SCAPER: variants seen among roughly 807,000 people sequenced by gnomAD.
SCAPER encodes the protein S-phase cyclin A associated protein in the ER, also known as S phase cyclin A-associated protein in the endoplasmic reticulum.
Under a neutral mutation model 182.2 loss-of-function variants are expected in SCAPER, and 98 were observed. The observed-to-expected ratio is 0.54, with a 90% CI of 0.46 to 0.64. The LOEUF (loss-of-function observed/expected upper bound fraction) is 0.64, where lower values mean the gene tolerates loss of function less well. SCAPER is among the 30% of genes least tolerant of loss of function. The pLI is 0.00. For synonymous variants in SCAPER, 605 were observed against 564.6 expected, an observed-to-expected ratio of 1.07 and a Z score of -1.01; for missense variants, 1,432 against 1,690.0, an observed-to-expected ratio of 0.85 and a Z score of 2.68.
intron 23 of SCAPER, among the ~76,000 whole-genome samples, chr15:76,522,501 C>A (rs968289760): frequency 6.6e-6 from 1 of 152,042 alleles, no homozygotes; most frequent in African/African-American, 2.4e-5. Flanking sequence ...GTCATTTGCA[C>A]CTACAGCTTG....
Position 76,379,874 on chromosome 15 carries a change from C to CTAGG in SCAPER, c.3705+1500_3705+1503dup, listed in dbSNP as rs564949131. The stretch of plus-strand genomic sequence containing the variant: ...GAGGAGAGGGGCAGGGAGCAGGGAC[C>CTAGG]TAGGGCTCCCTGATGGAGTGACTGA... On this transcript the variant is annotated intron_variant, in intron 28 of 31. Coordinates refer to ENST00000563290, the MANE Select transcript of SCAPER (RefSeq NM_020843.4). The CTAGG allele has an allele frequency of 3.2e-3, 481 of 152,230 alleles. 5 individuals carry two copies. Among genetic ancestry groups the CTAGG allele is most frequent in the African/African-American group, 0.011 (459 of 41,508 alleles). The allele number at this position is 152,230 out of a possible 1,614,324, so 9.4% of individuals were successfully genotyped here.
intron 27 of SCAPER, among the ~76,000 whole-genome samples, chr15:76,401,777 G>A (rs774949138): frequency 6.6e-6 from 1 of 152,130 alleles, no homozygotes; most frequent in South Asian, 2.1e-4. Context: ...TAATATGGGT[G>A]CAAATAGATT....
chr15:76,871,139 G>A (rs114545646), intron 2 of SCAPER, among the ~76,000 whole-genome samples: 75 of 152,258 alleles, frequency 4.9e-4, no homozygotes, highest in African/African-American at 1.6e-3. Flanking sequence ...GACAGGCGCC[G>A]TGCCTCATGC....
chr15:76,429,958 AG>A (rs1314425987), intron 26 of SCAPER, among the ~76,000 whole-genome samples: 2 of 152,148 alleles, frequency 1.3e-5, no homozygotes, highest in Non-Finnish European at 2.9e-5. Flanking sequence ...GGGCAGGCTC[AG>A]GGCTCCCCTG....
chr15:76,728,115 T>A (rs1340734986), intron 17 of SCAPER, among the ~76,000 whole-genome samples: 1 of 152,018 alleles, frequency 6.6e-6, no homozygotes, highest in East Asian at 1.9e-4. Context: ...ATATGTTTTT[T>A]CCTGTGTCTT....
chr15:76,791,955 A>G lies in SCAPER; in HGVS notation c.772+3325T>C, dbSNP rs115975683. ...GATTGGTTTTTTTTTGTCTTGCAAC[A>G]TGATAGTGAACAAGCAGATCACCCT... On this transcript the variant is annotated intron_variant, in intron 8 of 31. Transcript: ENST00000563290. 8.0e-3 allele frequency among the ~76,000 whole-genome samples: 1,215 copies of G among 151,048 alleles called. 13 individuals are homozygous for G. Among genetic ancestry groups the G allele is most frequent in the African/African-American group, 0.028 (1,151 of 41,264 alleles).
At chr15:76,517,511 G>A (rs1273951971) in intron 23 of SCAPER, among the ~76,000 whole-genome samples, 2 of 151,604 alleles carry the variant, frequency 1.3e-5, no homozygotes, top group Admixed American at 6.6e-5. Flanking sequence ...CACTACACCC[G>A]GCTAATTTTT....
At position 76,610,628 on chromosome 15, in the gene SCAPER, T is replaced by C. The variant is rs1396848393; in HGVS notation, c.2711+11136A>G. ...CATACAAAAGTCACTAAGATTTCTA[T>C]GTATAAACAACAAACTATCTAAAAG... On this transcript the variant is annotated intron_variant, in intron 22 of 31. Transcript: ENST00000563290. Among the ~76,000 whole-genome samples, 4 of 152,174 alleles carry C rather than the reference T, an allele frequency of 2.6e-5. No individual in the cohort carries two copies. The East Asian group carries it at 7.7e-4, about 29-fold the overall frequency.
intron 24 of SCAPER, among the ~76,000 whole-genome samples, chr15:76,492,095 GT>G (rs2052377148): frequency 6.6e-6 from 1 of 152,102 alleles, no homozygotes; most frequent in Non-Finnish European, 1.5e-5. Flanking sequence ...TTTATTAACT[GT>G]TTTATTCTGT....
At chr15:76,855,862 C>T (rs555565752) in intron 4 of SCAPER, 6 of 439,276 alleles carry the variant, frequency 1.4e-5, no homozygotes, top group East Asian at 7.1e-5. Flanking sequence ...AGAAGTATGG[C>T]GATTCCTCAA....
At chr15:76,610,636 C>G (rs915228856) in intron 22 of SCAPER, among the ~76,000 whole-genome samples, 1 of 151,880 alleles carries the variant, frequency 6.6e-6, no homozygotes, top group Non-Finnish European at 1.5e-5. Context: ...TATGTATAAA[C>G]AACAAACTAT....
intron 20 of SCAPER, among the ~76,000 whole-genome samples, chr15:76,696,259 C>T (rs2058652145): frequency 6.6e-6 from 1 of 152,162 alleles, no homozygotes. Flanking sequence ...TCATTAAATA[C>T]AGTGATGTCT....
intron 25 of SCAPER, among the ~76,000 whole-genome samples, chr15:76,455,155 C>A (rs963229021): frequency 6.6e-6 from 1 of 152,154 alleles, no homozygotes; most frequent in Admixed American, 6.5e-5. Context: ...TTTGCTTTAA[C>A]TGCATCCCAA....
chr15:76,699,150 C>T (rs2058797672), intron 20 of SCAPER, among the ~76,000 whole-genome samples: 1 of 152,126 alleles, frequency 6.6e-6, no homozygotes, highest in African/African-American at 2.4e-5. Context: ...TTTATCAGAT[C>T]TAGGAGCTCT....
At chr15:76,648,360 A>G (rs1402680313) in intron 21 of SCAPER, among the ~76,000 whole-genome samples, 3 of 152,146 alleles carry the variant, frequency 2.0e-5, no homozygotes, top group Non-Finnish European at 4.4e-5. Flanking sequence ...TATCTAAACT[A>G]GAGAGAAAAA....
chr15:76,832,433 G>A (rs1188309589), intron 5 of SCAPER, among the ~76,000 whole-genome samples: 1 of 152,042 alleles, frequency 6.6e-6, no homozygotes. Flanking sequence ...TAAAGAAAAA[G>A]GAATTTTAAA....
intron 22 of SCAPER, among the ~76,000 whole-genome samples, chr15:76,612,208 C>T (rs1187260628): frequency 6.6e-6 from 1 of 152,116 alleles, no homozygotes; most frequent in Non-Finnish European, 1.5e-5. Flanking sequence ...CCAGTCTCAG[C>T]CCAAAAAGCT....
chr15:76,766,799 T>C (rs2063144016), intron 11 of SCAPER, 119 bp downstream of exon 11: 2 of 794,356 alleles, frequency 2.5e-6, no homozygotes, highest in South Asian at 4.2e-5. Flanking sequence ...TTACTGAACA[T>C]GATTTTTAAA....
intron 25 of SCAPER, among the ~76,000 whole-genome samples, chr15:76,438,987 C>T (rs1332067638): frequency 6.6e-6 from 1 of 152,008 alleles, no homozygotes; most frequent in Non-Finnish European, 1.5e-5. Flanking sequence ...AGTTATTTTA[C>T]AGGAATGTTG....
Sources: allele counts gnomAD v4.1 joint callset (sites outside exome capture counted in the v4.1 genomes callset), GRCh38; gene constraint gnomAD v4.1.1; transcripts MANE v1.5; gene names NCBI Gene and HGNC (gene_info 2026-07-23, HGNC 2026-07-21).